TCF4: variants seen among roughly 807,000 people sequenced by gnomAD.
The protein encoded by TCF4 is transcription factor 4, also known as SL3-3 enhancer factor 2.
In TCF4, 3 loss-of-function variants were observed where a neutral mutation model predicts 82.1. That is an observed-to-expected ratio of 0.04 (90% CI 0.02 to 0.09). TCF4 has a LOEUF of 0.09. Ranked by LOEUF, TCF4 falls within the 10% of genes least tolerant of loss-of-function variation. TCF4 has a pLI of 1.00. For missense variants in TCF4, 518 were observed against 852.7 expected (o/e 0.61, Z 4.89); for synonymous variants, 276 against 309.6 (o/e 0.89, Z 1.14).
chr18:55,446,111 A>T (rs2095520650), intron 5 of TCF4, among the ~76,000 whole-genome samples: 1 of 152,156 alleles, frequency 6.6e-6, no homozygotes, highest in Non-Finnish European at 1.5e-5. Context: ...GTAAGGATAA[A>T]TGTTACCCTA....
intron 3 of TCF4, among the ~76,000 whole-genome samples, chr18:55,483,156 A>C (rs1006507485): frequency 1.3e-5 from 2 of 152,176 alleles, no homozygotes; most frequent in Non-Finnish European, 2.9e-5. Flanking sequence ...CTGTGTCTTT[A>C]GCCCCTCAAA....
intron 8 of TCF4, among the ~76,000 whole-genome samples, chr18:55,303,226 TACAC>T (rs74180496): frequency 0.23 from 30,985 of 135,856 alleles, 3,233 homozygotes; most frequent in East Asian, 0.29. Context: ...TCCCAGTACG[TACAC>T]ACACACACAC....
intron 6 of TCF4, among the ~76,000 whole-genome samples, chr18:55,368,619 G>GT (rs1416942282): frequency 6.6e-6 from 1 of 152,192 alleles, no homozygotes; most frequent in African/African-American, 2.4e-5. Context: ...CTAAATGCAA[G>GT]TATCAGCTTA....
At chr18:55,270,886 CAT>C (rs2060204649) in intron 10 of TCF4, among the ~76,000 whole-genome samples, 2 of 152,064 alleles carry the variant, frequency 1.3e-5, no homozygotes, top group Admixed American at 1.3e-4. Context: ...AAGTTATTCT[CAT>C]AGGCATCTGA....
intron 2 of TCF4, among the ~76,000 whole-genome samples, chr18:55,603,410 A>G (rs1471903841): frequency 6.6e-6 from 1 of 152,196 alleles, no homozygotes; most frequent in African/African-American, 2.4e-5. Context: ...TAAAGAGCTC[A>G]TGTATTCGTA....
intron 6 of TCF4, among the ~76,000 whole-genome samples, chr18:55,384,967 C>T (rs774968408): frequency 6.6e-6 from 1 of 152,116 alleles, no homozygotes; most frequent in Non-Finnish European, 1.5e-5. Context: ...AGAAACTACC[C>T]GAGCCCGACA....
At chr18:55,272,058 T>C (rs1373362093) in intron 10 of TCF4, among the ~76,000 whole-genome samples, 1 of 151,972 alleles carries the variant, frequency 6.6e-6, no homozygotes, top group Admixed American at 6.6e-5. Context: ...AAACAGATAA[T>C]CACATCGGTG....
chr18:55,269,674 A>AT, intron 11 of TCF4, 157 bp downstream of exon 11: 1 of 1,008,664 alleles, frequency 9.9e-7, no homozygotes, highest in Middle Eastern at 2.5e-4. Context: ...CAAGCCAGTG[A>AT]TTTTACTTCT....
At chr18:55,400,928 G>A (rs1603446647) in intron 6 of TCF4, 1 of 1,282,234 alleles carries the variant, frequency 7.8e-7, no homozygotes, top group East Asian at 5.6e-5. Flanking sequence ...ACCATCTGAA[G>A]GTTTCCTATT....
intron 17 of TCF4, 186 bp from the exon 18 acceptor site, chr18:55,229,262 G>T: frequency 1.5e-6 from 1 of 665,804 alleles, no homozygotes; most frequent in South Asian, 1.8e-5. Flanking sequence ...CAATACACAA[G>T]ATATTTGGTT....
intron 5 of TCF4, among the ~76,000 whole-genome samples, chr18:55,416,758 C>T (rs2094539272): frequency 6.6e-6 from 1 of 152,208 alleles, no homozygotes; most frequent in African/African-American, 2.4e-5. Flanking sequence ...GAAATGTTTA[C>T]ACAATCTGTT....
rs2046891174 is a variant in TCF4, at chr18:55,228,249, T to C, written c.1992A>G (p.Ala664=). 3 of 1,614,066 alleles carry C rather than the reference T, an allele frequency of 1.9e-6. No individual in the cohort carries two copies. The highest frequency in any genetic ancestry group is 2.5e-6 in the Non-Finnish European group (3 of 1,180,032). ...LAGPHPGMGD[A]SNHMGQM is the part of the protein sequence containing the mutation. ...TTTACATCTGTCCCATGTGATTCGA[T>C]GCGTCTCCCATTCCAGGGTGTGGGC... The change falls in exon 19 of 20, where the codon GCA becomes GCG. Residue 664 remains alanine, a synonymous_variant. Coordinates refer to ENST00000354452, the MANE Select transcript of TCF4 (RefSeq NM_001083962.2).
chr18:55,514,064 A>G (rs2096855355), intron 3 of TCF4, among the ~76,000 whole-genome samples: 1 of 152,184 alleles, frequency 6.6e-6, no homozygotes, highest in Admixed American at 6.5e-5. Context: ...TTTCACATAG[A>G]TAAGCTCTTG....
At chr18:55,277,631 T>C (rs1182057690) in intron 9 of TCF4, among the ~76,000 whole-genome samples, 6 of 148,754 alleles carry the variant, frequency 4.0e-5, no homozygotes, top group Admixed American at 2.0e-4. Flanking sequence ...GCTTTTCGGG[T>C]ATGCATATGC....
chr18:55,341,587 C>A (rs567183168), intron 8 of TCF4, among the ~76,000 whole-genome samples: 2 of 152,212 alleles, frequency 1.3e-5, no homozygotes, highest in African/African-American at 2.4e-5. Context: ...CTTGAAAGGT[C>A]TTTTTATGTC....
chr18:55,305,930 T>A (rs1044188239), intron 8 of TCF4, among the ~76,000 whole-genome samples: 1 of 152,314 alleles, frequency 6.6e-6, no homozygotes, highest in South Asian at 2.1e-4. Flanking sequence ...AGGTGAACTA[T>A]TTTCCCAAGA....
chr18:55,635,292 T>C (rs1040708921), intron 1 of TCF4, among the ~76,000 whole-genome samples: 3 of 152,110 alleles, frequency 2.0e-5, no homozygotes, highest in African/African-American at 7.2e-5. Flanking sequence ...ACAGATCACT[T>C]GAAGTCAGGA....
At chr18:55,431,232 T>G (rs2095180808) in intron 5 of TCF4, among the ~76,000 whole-genome samples, 2 of 152,168 alleles carry the variant, frequency 1.3e-5, no homozygotes, top group Non-Finnish European at 2.9e-5. Context: ...ACCTGACATC[T>G]CATCTAAATT....
intron 2 of TCF4, among the ~76,000 whole-genome samples, chr18:55,597,373 C>T (rs533414327): frequency 7.9e-5 from 12 of 152,126 alleles, no homozygotes; most frequent in Non-Finnish European, 1.5e-4. Context: ...ATTTCAAACC[C>T]GAGAGCTGCT....
Sources: allele counts gnomAD v4.1 joint callset (sites outside exome capture counted in the v4.1 genomes callset), GRCh38; gene constraint gnomAD v4.1.1; transcripts MANE v1.5; gene names NCBI Gene and HGNC (gene_info 2026-07-23, HGNC 2026-07-21).